The following CBFA2T2 variants were observed in gnomAD, a reference collection of about 807,000 sequenced individuals.
CBFA2T2 encodes the protein protein CBFA2T2.
Under a neutral mutation model 62.2 loss-of-function variants are expected in CBFA2T2, and 11 were observed. The ratio of observed to expected loss-of-function variants is 0.18; its 90% CI spans 0.11 to 0.29. The LOEUF (loss-of-function observed/expected upper bound fraction) is 0.29, where lower values mean the gene tolerates loss of function less well. Ranked by LOEUF, CBFA2T2 falls within the 10% of genes least tolerant of loss-of-function variation. CBFA2T2 has a pLI of 1.00. For synonymous variants in CBFA2T2, 295 were observed against 287.5 expected (o/e 1.03, Z -0.27); for missense variants, 592 against 774.1 (o/e 0.76, Z 2.79).
intron 3 of CBFA2T2, among the ~76,000 whole-genome samples, chr20:33,612,841 T>C (rs1441999125): frequency 1.3e-5 from 2 of 152,234 alleles, no homozygotes; most frequent in African/African-American, 4.8e-5. Flanking sequence ...ACGCCTGTAA[T>C]TTGGGAAGCC....
At chr20:33,559,782 G>A (rs1189900605) in intron 1 of CBFA2T2, among the ~76,000 whole-genome samples, 1 of 152,148 alleles carries the variant, frequency 6.6e-6, no homozygotes, top group Admixed American at 6.5e-5. Context: ...CATTGCGCCT[G>A]GCCAATTGTG....
intron 1 of CBFA2T2, among the ~76,000 whole-genome samples, chr20:33,600,118 T>C (rs527401052): frequency 6.6e-6 from 1 of 151,676 alleles, no homozygotes; most frequent in Non-Finnish European, 1.5e-5. Flanking sequence ...AGGCTATAAA[T>C]GTAACAGTAA....
At chr20:33,593,426 C>G (rs764910769) in intron 1 of CBFA2T2, among the ~76,000 whole-genome samples, 11 of 131,020 alleles carry the variant, frequency 8.4e-5, no homozygotes, top group Non-Finnish European at 1.4e-4. Flanking sequence ...GACAGAGTCT[C>G]ACTGTGTTTC....
At chr20:33,504,958 G>C (rs2011375746) in intron 1 of CBFA2T2, among the ~76,000 whole-genome samples, 1 of 152,078 alleles carries the variant, frequency 6.6e-6, no homozygotes, top group African/African-American at 2.4e-5. Context: ...ATATTCTTTT[G>C]GGGTTAGTGC....
chr20:33,606,580 A>T (rs1601052605), intron 1 of CBFA2T2, among the ~76,000 whole-genome samples: 1 of 151,240 alleles, frequency 6.6e-6, no homozygotes, highest in Non-Finnish European at 1.5e-5. Context: ...TAGATGTGTC[A>T]CTCTAGTCCC....
intron 7 of CBFA2T2, among the ~76,000 whole-genome samples, 200 bp from the exon 8 acceptor site, chr20:33,629,519 T>C (rs775200058): frequency 2.6e-5 from 4 of 152,244 alleles, no homozygotes; most frequent in African/African-American, 7.2e-5. Context: ...TTGTCCTCTT[T>C]AGGTATGTCA....
At chr20:33,599,240 C>T (rs550619600) in intron 1 of CBFA2T2, among the ~76,000 whole-genome samples, 16 of 151,696 alleles carry the variant, frequency 1.1e-4, no homozygotes, top group South Asian at 4.2e-4. Flanking sequence ...ACAGCCTGGG[C>T]GACAGTGAGA....
intron 2 of CBFA2T2, among the ~76,000 whole-genome samples, chr20:33,610,222 G>GAGGCTGCACCAGGAGGTCA (rs1568850812): frequency 2.6e-5 from 4 of 152,166 alleles, no homozygotes; most frequent in East Asian, 1.9e-4. Context: ...CCAGGAGGTC[G>GAGGCTGCACCAGGAGGTCA]AGGCTGCACC....
At chr20:33,594,456 G>A (rs57752914) in intron 1 of CBFA2T2, among the ~76,000 whole-genome samples, 21,517 of 152,010 alleles carry the variant, frequency 0.14, 1,995 homozygotes, top group East Asian at 0.39. Flanking sequence ...TCTTGACCTC[G>A]TGATCCTCCT....
At chr20:33,633,801 G>T (rs905508739) in intron 8 of CBFA2T2, among the ~76,000 whole-genome samples, 5 of 147,416 alleles carry the variant, frequency 3.4e-5, no homozygotes, top group African/African-American at 1.4e-4. Context: ...TACTACTATG[G>T]CTTGCCATGA....
intron 1 of CBFA2T2, among the ~76,000 whole-genome samples, chr20:33,590,250 A>C (rs1315679430): frequency 7.1e-6 from 1 of 140,438 alleles, no homozygotes; most frequent in African/African-American, 2.9e-5. Context: ...TTTTTTTACA[A>C]AAAAAAAAAA....
At chr20:33,510,839 G>A (rs1159437206) in intron 1 of CBFA2T2, among the ~76,000 whole-genome samples, 1 of 152,190 alleles carries the variant, frequency 6.6e-6, no homozygotes, top group African/African-American at 2.4e-5. Context: ...TAACTGGTGT[G>A]AGATGGTATC....
chr20:33,553,962 C>T (rs2012816082), intron 1 of CBFA2T2, among the ~76,000 whole-genome samples: 1 of 151,854 alleles, frequency 6.6e-6, no homozygotes, highest in Non-Finnish European at 1.5e-5. Context: ...GTTAACTTTA[C>T]ATTTGTATTT....
At chr20:33,510,209 T>C (rs2011483581) in intron 1 of CBFA2T2, among the ~76,000 whole-genome samples, 2 of 151,682 alleles carry the variant, frequency 1.3e-5, no homozygotes, top group Admixed American at 1.3e-4. Context: ...TTTTCTTTTT[T>C]TCTTGTTTTT....
intron 10 of CBFA2T2, among the ~76,000 whole-genome samples, chr20:33,640,931 A>G (rs929564310): frequency 6.6e-6 from 1 of 152,118 alleles, no homozygotes; most frequent in Non-Finnish European, 1.5e-5. Context: ...CAATGGCCCT[A>G]ATTTGCAGAT....
intron 2 of CBFA2T2, among the ~76,000 whole-genome samples, chr20:33,607,442 T>C (rs1440623091): frequency 6.6e-6 from 1 of 152,226 alleles, no homozygotes; most frequent in Non-Finnish European, 1.5e-5. Flanking sequence ...ATTCTAAAAA[T>C]GTTCCAGTGC....
chr20:33,623,894 TC>T (rs1568860506), intron 5 of CBFA2T2: 1 of 716,130 alleles, frequency 1.4e-6, no homozygotes, highest in Non-Finnish European at 2.6e-6. Flanking sequence ...GGTCGACTGT[TC>T]CAGAAGCCTC....
At chr20:33,583,054 G>T (rs17124793) in intron 1 of CBFA2T2, among the ~76,000 whole-genome samples, 2 of 151,360 alleles carry the variant, frequency 1.3e-5, no homozygotes, top group South Asian at 2.1e-4. Flanking sequence ...TTTTATTTTC[G>T]TGAGTATACA....
intron 1 of CBFA2T2, among the ~76,000 whole-genome samples, chr20:33,573,381 G>A (rs1345818570): frequency 6.6e-6 from 1 of 152,140 alleles, no homozygotes; most frequent in Non-Finnish European, 1.5e-5. Flanking sequence ...CTCACTGAAA[G>A]GTGATTATTT....
Sources: allele counts gnomAD v4.1 joint callset (sites outside exome capture counted in the v4.1 genomes callset), GRCh38; gene constraint gnomAD v4.1.1; transcripts MANE v1.5; gene names NCBI Gene and HGNC (gene_info 2026-07-23, HGNC 2026-07-21).